The following ROR2 variants were observed in gnomAD, a reference collection of about 807,000 sequenced individuals.
The protein encoded by ROR2 is ROR family WNT receptor 2, also known as tyrosine-protein kinase transmembrane receptor ROR2.
A neutral mutation model predicts 74.9 loss-of-function variants in ROR2; 33 were observed. That is an observed-to-expected ratio of 0.44 (90% confidence interval 0.33 to 0.59). The LOEUF (loss-of-function observed/expected upper bound fraction) is 0.59. Ranked by LOEUF, ROR2 falls within the 20% of genes least tolerant of loss-of-function variation. ROR2 has a pLI of 0.02. For synonymous variants in ROR2, 586 were observed against 558.7 expected (o/e 1.05, Z -0.69); for missense variants, 1,216 against 1,313.8 (o/e 0.93, Z 1.15).
intron 2 of ROR2, among the ~76,000 whole-genome samples, chr9:91,774,681 AT>A (rs1237226825): frequency 6.6e-6 from 1 of 152,174 alleles, no homozygotes; most frequent in East Asian, 1.9e-4. Context: ...ATGGACTAAA[AT>A]TTGGGGTTTA....
At chr9:91,750,777 C>T (rs568802524) in intron 4 of ROR2, among the ~76,000 whole-genome samples, 7 of 151,920 alleles carry the variant, frequency 4.6e-5, no homozygotes, top group Middle Eastern at 3.4e-3. Context: ...TTGGGGGACA[C>T]GAAGTTTAGT....
intron 4 of ROR2, among the ~76,000 whole-genome samples, chr9:91,740,576 G>GTA (rs530880348): frequency 0.028 from 4,132 of 146,828 alleles, 160 homozygotes; most frequent in African/African-American, 0.083. Context: ...ATATATATAT[G>GTA]TATATATATA....
At chr9:91,779,010 T>G (rs1826516617) in intron 1 of ROR2, among the ~76,000 whole-genome samples, 1 of 152,232 alleles carries the variant, frequency 6.6e-6, no homozygotes, top group Non-Finnish European at 1.5e-5. Flanking sequence ...CACATGACAC[T>G]CTAGAAGCAA....
intron 1 of ROR2, among the ~76,000 whole-genome samples, chr9:91,793,152 A>G (rs933830521): frequency 6.6e-6 from 1 of 152,238 alleles, no homozygotes; most frequent in Non-Finnish European, 1.5e-5. Context: ...TATAGACACG[A>G]AAGTCCAAGA....
In ROR2 at chr9:91,733,233, G is replaced by C; in HGVS notation, c.826C>G (p.Leu276Val). 1 of 1,612,680 alleles carries C rather than the reference G, an allele frequency of 6.2e-7. No homozygotes were observed. The highest frequency in any genetic ancestry group is 8.5e-7 in the Non-Finnish European group (1 of 1,179,678). ...GGCAGCTGAAGCCGCATGAGGATGA[G>C]CGGGTTGGAGCGGGCGATGGTGTAC... is the stretch of plus-strand genomic sequence containing the variant. ...QEYTIARSNP[L>V]ILMRLQLPKC... The change falls in exon 6 of 9, where the codon CTC becomes GTC. Residue 276 changes from leucine to valine, a missense_variant. Transcript: ENST00000375708. The surrounding 1 kb of genome is among the most constrained non-coding windows in gnomAD (Gnocchi z 5.7).
At chr9:91,888,665 C>T (rs566928669) in intron 1 of ROR2, among the ~76,000 whole-genome samples, 26 of 152,338 alleles carry the variant, frequency 1.7e-4, no homozygotes, top group Non-Finnish European at 2.5e-4. Context: ...CGAGGCCACA[C>T]CACTTGCTCA....
chr9:91,846,214 T>C (rs1221499910), intron 1 of ROR2, among the ~76,000 whole-genome samples: 1 of 152,228 alleles, frequency 6.6e-6, no homozygotes, highest in Non-Finnish European at 1.5e-5. Context: ...TGCCATGGAC[T>C]GAGGCGTGTC....
At chr9:91,881,916 G>A (rs1330711979) in intron 1 of ROR2, among the ~76,000 whole-genome samples, 1 of 152,212 alleles carries the variant, frequency 6.6e-6, no homozygotes, top group Non-Finnish European at 1.5e-5. Context: ...GAGTAGGAGG[G>A]CAGGCGAGGC....
chr9:91,724,596 T>C lies in ROR2; in HGVS notation c.1898A>G (p.Asp633Gly). ...ATACACCTCTCGGAAGAGGCCCAAG[T>C]CTGAGATCTTCACGTTCAGCTTGTC... is the stretch of plus-strand genomic sequence containing the variant. ...VYDKLNVKIS[D>G]LGLFREVYAA... The change falls in exon 9 of 9, where the codon GAC becomes GGC. Residue 633 changes from aspartate (D) to glycine (G), a missense_variant. By Grantham distance (94) the Asp-to-Gly change is moderately conservative. Coordinates refer to ENST00000375708, the MANE Select transcript of ROR2 (RefSeq NM_004560.4). The C allele has an allele frequency of 6.2e-7, 1 of 1,614,020 alleles. No individual in the cohort carries two copies. Among genetic ancestry groups the C allele is most frequent in the Non-Finnish European group, 8.5e-7 (1 of 1,179,988 alleles).
rs766422288 is a variant in ROR2, at chr9:91,737,433, C to A, written c.580G>T (p.Asp194Tyr). The change falls in exon 5 of 9, where the codon GAC becomes TAC. Residue 194 changes from aspartate to tyrosine, a missense_variant. Coordinates refer to ENST00000375708, the MANE Select transcript of ROR2 (RefSeq NM_004560.4). ...ATCTCCCCCTGCATCTGAAGCGAGT[C>A]CACATAAATGGTCCGGTTGCCAATG... ...RFIGNRTIYV[D>Y]SLQMQGEIEN... The A allele has an allele frequency of 6.2e-7, 1 of 1,614,168 alleles. No individual in the cohort carries two copies. The highest frequency in any genetic ancestry group is 1.7e-5 in the Admixed American group (1 of 60,022).
At chr9:91,863,196 A>G (rs1464995693) in intron 1 of ROR2, among the ~76,000 whole-genome samples, 4 of 152,102 alleles carry the variant, frequency 2.6e-5, no homozygotes, top group African/African-American at 9.7e-5. Context: ...TAATTTTTAC[A>G]TTTTTCTTCT....
intron 1 of ROR2, among the ~76,000 whole-genome samples, chr9:91,906,818 T>TC (rs755797036): frequency 6.6e-6 from 1 of 152,180 alleles, no homozygotes; most frequent in Non-Finnish European, 1.5e-5. Flanking sequence ...ACTTCCAAGG[T>TC]CCAGGCTCCA....
Position 91,740,874 on chromosome 9 carries a change from C to T in ROR2, c.495-3356G>A, listed in dbSNP as rs577146928. ...TGCTCACCAGCTGGTGGAGCATCCA[C>T]GTTTCAGAAATGAAGTGTGGAAATC... is the stretch of plus-strand genomic sequence containing the variant. On this transcript the variant is annotated intron_variant, in intron 4 of 8. Coordinates refer to ENST00000375708, the MANE Select transcript of ROR2 (RefSeq NM_004560.4). 1.4e-4 allele frequency among the ~76,000 whole-genome samples: 21 copies of T among 152,192 alleles called. No individual in the cohort carries two copies. The South Asian group carries it at 3.9e-3, about 29-fold the overall frequency.
intron 1 of ROR2, among the ~76,000 whole-genome samples, chr9:91,924,122 T>C (rs546397912): frequency 6.6e-6 from 1 of 152,256 alleles, no homozygotes; most frequent in Non-Finnish European, 1.5e-5. Context: ...CTGTCTGCAC[T>C]GAGTAGAACT....
chr9:91,944,801 G>A (rs189392277), intron 1 of ROR2, among the ~76,000 whole-genome samples: 17 of 151,604 alleles, frequency 1.1e-4, no homozygotes, highest in African/African-American at 3.9e-4. Flanking sequence ...TCATGCCTAC[G>A]ATCCCAGGAC....
At chr9:91,768,820 G>A (rs1373254941) in intron 2 of ROR2, among the ~76,000 whole-genome samples, 2 of 152,156 alleles carry the variant, frequency 1.3e-5, no homozygotes, top group African/African-American at 2.4e-5. Context: ...TATTTGTGGG[G>A]TAGAGTTTTC....
chr9:91,730,090 G>A (rs1837181726), intron 7 of ROR2, among the ~76,000 whole-genome samples: 1 of 152,162 alleles, frequency 6.6e-6, no homozygotes. Context: ...CCAAGTAGGT[G>A]TGCCACCACG....
chr9:91,826,986 A>G (rs993757994), intron 1 of ROR2, among the ~76,000 whole-genome samples: 5 of 152,186 alleles, frequency 3.3e-5, no homozygotes, highest in African/African-American at 1.2e-4. Flanking sequence ...ATCATCTGCC[A>G]TATGTTTACC....
chr9:91,835,989 G>A (rs558936481), intron 1 of ROR2, among the ~76,000 whole-genome samples: 17 of 152,282 alleles, frequency 1.1e-4, no homozygotes, highest in South Asian at 6.2e-4. Context: ...TTCCCCAGCC[G>A]TGTTTGGTAA....
Sources: allele counts gnomAD v4.1 joint callset (sites outside exome capture counted in the v4.1 genomes callset), GRCh38; gene constraint gnomAD v4.1.1; non-coding constraint Gnocchi (gnomAD v3.1); transcripts MANE v1.5; gene names NCBI Gene and HGNC (gene_info 2026-07-23, HGNC 2026-07-21).